The following IL34 variants were observed in gnomAD, a reference collection of about 807,000 sequenced individuals.
IL34 encodes the protein interleukin 34.
In IL34, 17 loss-of-function variants were observed where a neutral mutation model predicts 25.3. The ratio of observed to expected loss-of-function variants is 0.67; its 90% CI spans 0.46 to 1.01. The LOEUF (loss-of-function observed/expected upper bound fraction) is 1.01, where lower values mean the gene tolerates loss of function less well. Ranked by LOEUF, IL34 falls within the 50% of genes least tolerant of loss-of-function variation. The probability of loss-of-function intolerance (pLI) is 0.00; values close to 1 mark genes in which losing one functional copy is unlikely to be tolerated. For missense variants in IL34, 368 were observed against 312.9 expected (o/e 1.18, Z -1.33); for synonymous variants, 174 against 140.9 (o/e 1.23, Z -1.66).
At chr16:70,630,145 G>T (rs1033513165) in intron 1 of IL34, among the ~76,000 whole-genome samples, 2 of 152,168 alleles carry the variant, frequency 1.3e-5, no homozygotes, top group Non-Finnish European at 2.9e-5. Flanking sequence ...TTAACATAAT[G>T]ATGAACTCAT....
chr16:70,587,486 T>C, intron 1 of IL34, among the ~76,000 whole-genome samples: 1 of 151,940 alleles, frequency 6.6e-6, no homozygotes, highest in South Asian at 2.1e-4. Flanking sequence ...TTAGCCAGGA[T>C]GATCTTGATC....
chr16:70,639,242 T>C (rs1179386717), intron 1 of IL34, among the ~76,000 whole-genome samples: 8 of 152,170 alleles, frequency 5.3e-5, no homozygotes, highest in Non-Finnish European at 1.2e-4. Flanking sequence ...CAGATGTCTT[T>C]GGGTCATAAT....
upstream of IL34, among the ~76,000 whole-genome samples, chr16:70,643,119 G>A (rs1203122059): frequency 2.0e-5 from 3 of 152,132 alleles, no homozygotes. Flanking sequence ...CTGGAGTGCA[G>A]TGGGACTACC....
At chr16:70,648,552 TAAAAAAAAAAAAA>T (rs56164163) in intron 1 of IL34, among the ~76,000 whole-genome samples, 3 of 73,318 alleles carry the variant, frequency 4.1e-5, no homozygotes, top group Admixed American at 1.8e-4. Flanking sequence ...ACCCTGTCTT[TAAAAAAAAAAAAA>T]AAAAAAAAAA....
intron 1 of IL34, among the ~76,000 whole-genome samples, chr16:70,605,252 C>A (rs961459574): frequency 6.6e-6 from 1 of 152,040 alleles, no homozygotes; most frequent in African/African-American, 2.4e-5. Context: ...GACAAGAGGC[C>A]CCTCAGGAGG....
At chr16:70,632,538 A>T (rs2051543627) in intron 1 of IL34, among the ~76,000 whole-genome samples, 1 of 152,198 alleles carries the variant, frequency 6.6e-6, no homozygotes, top group South Asian at 2.1e-4. Flanking sequence ...GCTCCTGACC[A>T]GGTGGTCCTG....
rs746816469 is a variant in IL34 at position 70,598,675 on chromosome 16, G to A, written c.-401+18626G>A. ...AATCGCTTGAACCCAGGACACGGAG[G>A]CTCCAGTGAGCCGAGATTGCACCAC... On this transcript the variant is annotated intron_variant, in intron 1 of 6. Transcript: ENST00000429149. Among the ~76,000 whole-genome samples, 8 of 152,148 alleles carry A rather than the reference G, an allele frequency of 5.3e-5. No individual in the cohort carries two copies. The South Asian group carries it at 1.2e-3, about 24-fold the overall frequency.
chr16:70,659,476 A>G (rs1406316165), intron 4 of IL34, 142 bp from the exon 5 acceptor site: 1 of 1,066,048 alleles, frequency 9.4e-7, no homozygotes, highest in Non-Finnish European at 1.3e-6. Flanking sequence ...ATGGTGAGAA[A>G]TAGCTATCCA....
chr16:70,591,031 T>TC, intron 1 of IL34, among the ~76,000 whole-genome samples: 1 of 152,204 alleles, frequency 6.6e-6, no homozygotes, highest in Non-Finnish European at 1.5e-5. Context: ...GTCTCCGGGG[T>TC]CTCAGGACAG....
chr16:70,622,675 G>T lies in IL34; in HGVS notation c.-400-23873G>T, dbSNP rs2051307015. Among the ~76,000 whole-genome samples, 4 of 151,914 alleles carry T rather than the reference G, an allele frequency of 2.6e-5. No individual in the cohort carries two copies. The South Asian group carries it at 8.3e-4, about 32-fold the overall frequency. ...GTGTGGTATCAGGAATAATGTGGGG[G>T]GCCAGATTGAAGTCCGGGCCAGGAA... On this transcript the variant is annotated intron_variant, in intron 1 of 6. Transcript: ENST00000429149.
At chr16:70,644,385 C>T (rs142665437), upstream of IL34, among the ~76,000 whole-genome samples, 7 of 152,164 alleles carry the variant, frequency 4.6e-5, no homozygotes, top group East Asian at 1.2e-3. Flanking sequence ...ATTTTTGAAT[C>T]TGAGTAACTG....
At chr16:70,655,528 C>T (rs1296836792) in intron 2 of IL34, among the ~76,000 whole-genome samples, 1 of 152,038 alleles carries the variant, frequency 6.6e-6, no homozygotes, top group African/African-American at 2.4e-5. Context: ...GCTGGGACTA[C>T]AGGCATGCAC....
chr16:70,631,295 C>G (rs1056044411), intron 1 of IL34, among the ~76,000 whole-genome samples: 1 of 152,134 alleles, frequency 6.6e-6, no homozygotes, highest in African/African-American at 2.4e-5. Flanking sequence ...ACCCATAGGC[C>G]TAAGTCTCCT....
chr16:70,600,220 CCTCT>C (rs935151874), intron 1 of IL34, among the ~76,000 whole-genome samples: 53 of 152,098 alleles, frequency 3.5e-4, no homozygotes, highest in Admixed American at 2.0e-4. Context: ...AGTCTCTACC[CCTCT>C]CTACCCCCTG....
At chr16:70,612,234 T>C (rs1208414156) in intron 1 of IL34, among the ~76,000 whole-genome samples, 1 of 150,880 alleles carries the variant, frequency 6.6e-6, no homozygotes, top group African/African-American at 2.4e-5. Flanking sequence ...TAAGAGTCTC[T>C]AAAGCTGTGT....
intron 1 of IL34, among the ~76,000 whole-genome samples, chr16:70,605,519 TC>T (rs1327110263): frequency 6.6e-6 from 1 of 152,248 alleles, no homozygotes; most frequent in East Asian, 1.9e-4. Context: ...CCTCTTCCCT[TC>T]TCCCCAGCCC....
In IL34 at chr16:70,655,286, C is replaced by T. The variant is rs566823201; in HGVS notation, c.162+615C>T. ...CAGGATGGTCTCCATCTCTTGACCT[C>T]GTGATCCGCCTGCCTCAGCCTCCCA... On this transcript the variant is annotated intron_variant, in intron 2 of 5. Transcript: ENST00000288098. Among the ~76,000 whole-genome samples, 10 of 151,952 alleles carry T rather than the reference C, an allele frequency of 6.6e-5. No homozygotes were observed. The East Asian group carries it at 1.7e-3, about 27-fold the overall frequency.
intron 1 of IL34, among the ~76,000 whole-genome samples, chr16:70,615,247 G>A (rs576881461): frequency 4.6e-5 from 7 of 152,124 alleles, no homozygotes; most frequent in Non-Finnish European, 1.0e-4. Flanking sequence ...GGTGGCTCAC[G>A]CCTGTAATCC....
At chr16:70,644,069 G>A (rs112691047), upstream of IL34, among the ~76,000 whole-genome samples, 946 of 152,240 alleles carry the variant, frequency 6.2e-3, 4 homozygotes, top group African/African-American at 0.021. Flanking sequence ...CCGCCTCCTG[G>A]GTTCCAGTGA....
Sources: gnomAD v4.1 joint callset for allele counts (sites outside exome capture counted in the v4.1 genomes callset) on GRCh38, gnomAD v4.1.1 for gene constraint, MANE v1.5 for transcripts, NCBI Gene and HGNC (gene_info 2026-07-23, HGNC 2026-07-21) for gene names.